The following YBX1 variants were observed in gnomAD, a reference collection of about 807,000 sequenced individuals.
YBX1 encodes Y-box-binding protein 1.
Under a neutral mutation model 41.4 loss-of-function variants are expected in YBX1, and 3 were observed. The observed-to-expected ratio is 0.07, with a 90% CI of 0.03 to 0.19. The LOEUF is 0.19. Among genes scored for constraint, YBX1 ranks in the 10% least tolerant of loss-of-function variants. YBX1 has a pLI of 1.00. For missense variants in YBX1, 274 were observed against 462.8 expected (o/e 0.59, Z 3.74); for synonymous variants, 133 against 165.8 (o/e 0.80, Z 1.52).
chr1:42,689,750 T>G (rs924381822), intron 2 of YBX1, among the ~76,000 whole-genome samples: 1 of 152,228 alleles, frequency 6.6e-6, no homozygotes, highest in Non-Finnish European at 1.5e-5. Context: ...TTTGACTTAC[T>G]AAAAAGTTTT....
intron 2 of YBX1, among the ~76,000 whole-genome samples, chr1:42,688,707 C>T (rs550431628): frequency 6.6e-6 from 1 of 152,190 alleles, no homozygotes; most frequent in East Asian, 1.9e-4. Context: ...TGCAAAGTGG[C>T]GCTAGTGATG....
At chr1:42,688,821 G>A (rs3895305) in intron 2 of YBX1, among the ~76,000 whole-genome samples, 1 of 152,116 alleles carries the variant, frequency 6.6e-6, no homozygotes. Context: ...TACACTTACC[G>A]TATCGATAAG....
intron 2 of YBX1, among the ~76,000 whole-genome samples, chr1:42,685,361 CAATTATTTTGTCA>C (rs1172160227): frequency 6.6e-6 from 1 of 152,162 alleles, no homozygotes; most frequent in Non-Finnish European, 1.5e-5. Context: ...ATCCTAACCT[CAATTATTTTGTCA>C]AATTAACTGG....
chr1:42,689,609 GA>G (rs1407992445), intron 2 of YBX1, among the ~76,000 whole-genome samples: 9 of 152,186 alleles, frequency 5.9e-5, no homozygotes, highest in African/African-American at 2.2e-4. Context: ...AAAGGAGTGG[GA>G]GGGGGGTCAA....
chr1:42,688,223 A>G (rs1238966748), intron 2 of YBX1, among the ~76,000 whole-genome samples: 36 of 152,208 alleles, frequency 2.4e-4, no homozygotes, highest in Non-Finnish European at 5.9e-5. Context: ...ACACAAGTCC[A>G]CTTACACACA....
chr1:42,684,348 C>T (rs543925593), intron 2 of YBX1, among the ~76,000 whole-genome samples: 27 of 152,320 alleles, frequency 1.8e-4, no homozygotes, highest in African/African-American at 5.3e-4. Context: ...GCTAGTAGTG[C>T]TAGTTACATG....
At position 42,703,529 on chromosome 1, in the gene YBX1, T is replaced by C. The variant is rs1650660543; in HGVS notation, c.*1580T>C. 6.6e-6 allele frequency among the ~76,000 whole-genome samples: 1 copy of C among 152,100 alleles called. No individual in the cohort carries two copies. The highest frequency in any genetic ancestry group is 2.1e-4 in the South Asian group (1 of 4,830). On this transcript the variant is annotated 3_prime_UTR_variant, in exon 8 of 8. Coordinates refer to ENST00000321358, the MANE Select transcript of YBX1 (RefSeq NM_004559.5). The stretch of plus-strand genomic sequence containing the variant: ...AAATATCTGTACTGCAGAAGTGAGT[T>C]AGCCTATTTCTTGCTGGTGTTCATG...
At chr1:42,701,255 C>T (rs1374870099) in intron 7 of YBX1, among the ~76,000 whole-genome samples, 1 of 152,124 alleles carries the variant, frequency 6.6e-6, no homozygotes, top group Non-Finnish European at 1.5e-5. Flanking sequence ...TCAGCTAGTT[C>T]TCAATTCTGA....
intron 2 of YBX1, among the ~76,000 whole-genome samples, chr1:42,691,980 A>G (rs1034429143): frequency 6.6e-6 from 1 of 152,132 alleles, no homozygotes; most frequent in Non-Finnish European, 1.5e-5. Flanking sequence ...CCCCCAGAGT[A>G]GCTGGGACTA....
intron 7 of YBX1, 68 bp downstream of exon 7, chr1:42,701,114 C>A: frequency 8.4e-7 from 1 of 1,194,074 alleles, no homozygotes; most frequent in Admixed American, 2.4e-5. Context: ...TTTATTAATG[C>A]AAGAGTAGAA....
rs1650657615 is a variant in YBX1 at position 42,703,429 on chromosome 1, T to C, written c.*1480T>C. ...CTGCAGTGCTGTGGAAGTCATCTCC[T>C]GCTTGGGACTAACTCTTTGCAGAGG... On this transcript the variant is annotated 3_prime_UTR_variant, in exon 8 of 8. Transcript: ENST00000321358. Among the ~76,000 whole-genome samples, 1 of 151,982 alleles carries C rather than the reference T, an allele frequency of 6.6e-6. No individual in the cohort carries two copies. Among genetic ancestry groups the C allele is most frequent in the African/African-American group, 2.4e-5 (1 of 41,378 alleles).
chr1:42,703,073 G>A lies in YBX1; in HGVS notation c.*1124G>A, dbSNP rs966537821. 2.6e-5 allele frequency among the ~76,000 whole-genome samples: 4 copies of A among 151,940 alleles called. No homozygotes were observed. Among genetic ancestry groups the A allele is most frequent in the Admixed American group, 6.6e-5 (1 of 15,258 alleles). ...CCTTAGTAGCTGGGAGTACAGGTGC[G>A]TGCCACCACACCCAGCTAATTTTTG... is the stretch of plus-strand genomic sequence containing the variant. On this transcript the variant is annotated 3_prime_UTR_variant, in exon 8 of 8. Coordinates refer to ENST00000321358, the MANE Select transcript of YBX1 (RefSeq NM_004559.5).
intron 6 of YBX1, among the ~76,000 whole-genome samples, chr1:42,700,559 A>G (rs1417235252): frequency 6.8e-6 from 1 of 147,378 alleles, no homozygotes; most frequent in African/African-American, 2.5e-5. Context: ...TCATCATTCC[A>G]TGGCACTTTA....
At chr1:42,687,955 C>G (rs1334305326) in intron 2 of YBX1, among the ~76,000 whole-genome samples, 1 of 152,108 alleles carries the variant, frequency 6.6e-6, no homozygotes, top group African/African-American at 2.4e-5. Context: ...GTCGAAGGTT[C>G]CAAACTGGAA....
In YBX1 at chr1:42,682,636, A is replaced by C. The variant is rs1460088112; in HGVS notation, c.71A>C (p.Asp24Ala). 29 of 1,387,616 alleles carry C rather than the reference A, an allele frequency of 2.1e-5. No individual in the cohort carries two copies. The highest frequency in any genetic ancestry group is 2.3e-5 in the Non-Finnish European group (25 of 1,077,018). 86.0% of individuals were successfully genotyped at this position (1,387,616 alleles called of 1,614,324 possible). ...GCCGCCCCCGCCCTCAGCGCCGCCGACACCAAGCCCGGCACTACGGGCAGC... is the reference window on the plus strand; with the variant it reads ...GCCGCCCCCGCCCTCAGCGCCGCCGCCACCAAGCCCGGCACTACGGGCAGC... ...PPAAPALSAADTKPGTTGSGA... is the reference protein window; with the variant it reads ...PPAAPALSAAATKPGTTGSGA... The change falls in exon 1 of 8, where the codon GAC becomes GCC. Residue 24 changes from aspartate (D) to alanine (A), a missense_variant. By Grantham distance (126) the Asp-to-Ala change is moderately radical. This residue lies in a region of YBX1 where 84 missense variants were observed against 130.8 expected (regional missense o/e 0.64). Transcript: ENST00000321358.
chr1:42,690,433 T>C (rs750767520), intron 2 of YBX1, among the ~76,000 whole-genome samples: 3 of 152,136 alleles, frequency 2.0e-5, no homozygotes, highest in Non-Finnish European at 4.4e-5. Flanking sequence ...ATGAATAAGA[T>C]TCACCAGAAG....
At chr1:42,684,455 C>T (rs376154028) in intron 2 of YBX1, among the ~76,000 whole-genome samples, 21 of 152,178 alleles carry the variant, frequency 1.4e-4, no homozygotes, top group Non-Finnish European at 2.1e-4. Context: ...CTGTAGAAGA[C>T]CTAAGCAGAT....
intron 2 of YBX1, among the ~76,000 whole-genome samples, chr1:42,685,636 G>T (rs1650176591): frequency 1.3e-5 from 2 of 152,194 alleles, no homozygotes; most frequent in Admixed American, 6.5e-5. Context: ...ATAACGTGCT[G>T]TTTTCTGTAT....
Position 42,700,640 on chromosome 1 carries a change from CTT to C in YBX1, c.741-139_741-138del, listed in dbSNP as rs2148743065. The C allele has an allele frequency of 6.7e-5, 17 of 252,944 alleles. No homozygotes were observed. The South Asian group carries it at 1.1e-3, about 16-fold the overall frequency. 15.7% of individuals were successfully genotyped at this position (252,944 alleles called of 1,614,324 possible). A position where few individuals can be genotyped will look rare whatever the true frequency, so the allele number is the denominator to read the frequency against. On this transcript the variant is annotated intron_variant, in intron 6 of 7. Coordinates refer to ENST00000321358, the MANE Select transcript of YBX1 (RefSeq NM_004559.5). ...CCCCCCCAAAAAAAAAAACCCATCTCTTTACACAAATTGCCTACAGACCACTT... is the reference window on the plus strand; with the variant it reads ...CCCCCCCAAAAAAAAAAACCCATCTCTACACAAATTGCCTACAGACCACTT...
Sources: gnomAD v4.1 joint callset for allele counts (sites outside exome capture counted in the v4.1 genomes callset) on GRCh38, gnomAD v4.1.1 for gene constraint, gnomAD v4.1.1 regional missense constraint, MANE v1.5 for transcripts, NCBI Gene and HGNC (gene_info 2026-07-23, HGNC 2026-07-21) for gene names.